The following GLIS3 variants were observed in gnomAD, a reference collection of about 807,000 sequenced individuals.
GLIS3 encodes GLIS family zinc finger 3.
In GLIS3, 53 loss-of-function variants were observed where a neutral mutation model predicts 78.6. That is an observed-to-expected ratio of 0.67 (90% CI 0.54 to 0.85). The LOEUF is 0.85. GLIS3 is among the 40% of genes least tolerant of loss of function. GLIS3 has a pLI of 0.00. For missense variants in GLIS3, 1,703 were observed against 1,231.1 expected (o/e 1.38, Z -5.74); for synonymous variants, 684 against 509.9 (o/e 1.34, Z -4.60).
rs1831798781 is a variant in GLIS3, at chr9:4,117,884, C to T, written c.1594G>A (p.Glu532Lys). Residue 532 changes from glutamate (E) to lysine (K), a missense_variant, in exon 4 of 11, where the codon GAG becomes AAG. By Grantham distance (56) the Glu-to-Lys change is moderately conservative (BLOSUM62 1). Coordinates refer to ENST00000381971, the MANE Select transcript of GLIS3 (RefSeq NM_001042413.2). ...EKVHIDQRKG[E>K]DFTCFWAGCP... ...CCGGCCCAGAAGCAAGTGAAGTCCT[C>T]CCCTTTGCGCTGGTCGATGTGGACC... 1 of 1,614,036 alleles carries T rather than the reference C, an allele frequency of 6.2e-7. No individual in the cohort carries two copies. The highest frequency in any genetic ancestry group is 8.5e-7 in the Non-Finnish European group (1 of 1,180,030).
chr9:4,090,496 A>G (rs1829407572), intron 4 of GLIS3, among the ~76,000 whole-genome samples: 1 of 152,186 alleles, frequency 6.6e-6, no homozygotes, highest in Non-Finnish European at 1.5e-5. Context: ...GGCAGAATCA[A>G]GTGAGACAAA....
chr9:3,980,429 A>T (rs1385337234), intron 4 of GLIS3, among the ~76,000 whole-genome samples: 6 of 152,162 alleles, frequency 3.9e-5, no homozygotes, highest in Non-Finnish European at 7.4e-5. Flanking sequence ...CTCACCCTGA[A>T]ATGTAAGCCA....
At chr9:3,958,495 C>G (rs1017719501) in intron 4 of GLIS3, among the ~76,000 whole-genome samples, 1 of 152,210 alleles carries the variant, frequency 6.6e-6, no homozygotes, top group Non-Finnish European at 1.5e-5. Flanking sequence ...CAAATCTCCG[C>G]ATTCTCCCCA....
the GLIS3 span, among the ~76,000 whole-genome samples, chr9:4,447,512 C>G: frequency 6.6e-6 from 1 of 152,140 alleles, no homozygotes; most frequent in East Asian, 1.9e-4. Flanking sequence ...TTTCATTTAT[C>G]CCATAGTATT....
intron 2 of GLIS3, among the ~76,000 whole-genome samples, chr9:4,321,245 C>T (rs1418656111): frequency 2.2e-5 from 3 of 136,408 alleles, no homozygotes; most frequent in African/African-American, 9.3e-5. Context: ...ACGGTGAAAC[C>T]CCGTCTCTAC....
chr9:3,862,389 G>C (rs1052657211), intron 8 of GLIS3, among the ~76,000 whole-genome samples: 8 of 152,156 alleles, frequency 5.3e-5, no homozygotes, highest in African/African-American at 4.8e-5. Context: ...TGGTGAACTT[G>C]CTCAGCCCTG....
At chr9:4,380,333 C>G in the GLIS3 span, among the ~76,000 whole-genome samples, 4 of 152,114 alleles carry the variant, frequency 2.6e-5, no homozygotes, top group Non-Finnish European at 5.9e-5. Context: ...CACACATACA[C>G]AAAGATAACA....
intron 4 of GLIS3, among the ~76,000 whole-genome samples, chr9:3,953,787 CTCTCTCTCTATATATA>C (rs1452097612): frequency 1.4e-3 from 64 of 44,412 alleles, no homozygotes; most frequent in African/African-American, 4.9e-3. Flanking sequence ...CTCTCTCTCT[CTCTCTCTCTATATATA>C]TATATATATA....
At chr9:4,120,168 A>G (rs1832068066) in intron 3 of GLIS3, among the ~76,000 whole-genome samples, 1 of 152,238 alleles carries the variant, frequency 6.6e-6, no homozygotes, top group Non-Finnish European at 1.5e-5. Context: ...CTGAGGTAAA[A>G]GAAGCATTTT....
intron 7 of GLIS3, among the ~76,000 whole-genome samples, chr9:3,890,507 G>C (rs1047193865): frequency 1.3e-5 from 2 of 151,998 alleles, no homozygotes; most frequent in African/African-American, 2.4e-5. Flanking sequence ...AAGAAGGAAA[G>C]AAAAAAAGAG....
chr9:4,309,414 G>C (rs926456134), intron 3 of GLIS3, among the ~76,000 whole-genome samples: 2 of 152,160 alleles, frequency 1.3e-5, no homozygotes, highest in Non-Finnish European at 2.9e-5. Flanking sequence ...GTTGGGGCGG[G>C]GGGAGCACAG....
At chr9:4,195,225 C>G (rs576479032) in intron 2 of GLIS3, among the ~76,000 whole-genome samples, 1 of 149,740 alleles carries the variant, frequency 6.7e-6, no homozygotes, top group African/African-American at 2.5e-5. Context: ...CAGCCCACCA[C>G]TGCACTGTGG....
chr9:3,846,158 ACAG>A, intron 9 of GLIS3, among the ~76,000 whole-genome samples: 1 of 152,332 alleles, frequency 6.6e-6, no homozygotes, highest in East Asian at 1.9e-4. Context: ...ACCTCTACTG[ACAG>A]CAGAATGTTA....
chr9:4,181,248 G>C (rs919646985), intron 2 of GLIS3, among the ~76,000 whole-genome samples: 6 of 152,296 alleles, frequency 3.9e-5, no homozygotes, highest in African/African-American at 1.4e-4. Flanking sequence ...TGGACACTAG[G>C]GCTGACCATG....
intron 6 of GLIS3, among the ~76,000 whole-genome samples, chr9:3,928,549 G>A (rs967965420): frequency 6.6e-6 from 1 of 152,224 alleles, no homozygotes; most frequent in African/African-American, 2.4e-5. Flanking sequence ...TTCTGGTTTT[G>A]AGTATATGTG....
chr9:3,995,892 T>C (rs1820705238), intron 4 of GLIS3, among the ~76,000 whole-genome samples: 1 of 152,076 alleles, frequency 6.6e-6, no homozygotes, highest in Non-Finnish European at 1.5e-5. Context: ...ATGGCAACAT[T>C]TTGAAAAAGA....
intron 2 of GLIS3, among the ~76,000 whole-genome samples, chr9:4,134,940 T>A (rs545751665): frequency 3.3e-5 from 5 of 152,244 alleles, no homozygotes; most frequent in African/African-American, 1.2e-4. Context: ...ACTAGGGAGA[T>A]AAGATGGCCT....
At chr9:3,990,326 T>C (rs894272991) in intron 4 of GLIS3, among the ~76,000 whole-genome samples, 1 of 152,242 alleles carries the variant, frequency 6.6e-6, no homozygotes, top group Non-Finnish European at 1.5e-5. Flanking sequence ...GCAAACATCC[T>C]ATCAATCAAC....
intron 2 of GLIS3, among the ~76,000 whole-genome samples, chr9:4,245,125 A>AG (rs1823683092): frequency 6.6e-6 from 1 of 152,206 alleles, no homozygotes; most frequent in African/African-American, 2.4e-5. Flanking sequence ...TATGTATCAC[A>AG]GATTTATGAC....
Sources: allele counts gnomAD v4.1 joint callset (sites outside exome capture counted in the v4.1 genomes callset), GRCh38; gene constraint gnomAD v4.1.1; transcripts MANE v1.5; gene names NCBI Gene and HGNC (gene_info 2026-07-23, HGNC 2026-07-21).